AFF3: variants seen among roughly 807,000 people sequenced by gnomAD.
AFF3 encodes the protein ALF transcription elongation factor 3.
In AFF3, 32 loss-of-function variants were observed where a neutral mutation model predicts 129.7. That is an observed-to-expected ratio of 0.25 (90% CI 0.19 to 0.33). The LOEUF (loss-of-function observed/expected upper bound fraction) is 0.33, where lower values mean the gene tolerates loss of function less well. Among genes scored for constraint, AFF3 ranks in the 10% least tolerant of loss-of-function variants. The pLI is 1.00. For synonymous variants in AFF3, 644 were observed against 635.4 expected (o/e 1.01, Z -0.20); for missense variants, 1,373 against 1,592.0 (o/e 0.86, Z 2.34).
intron 7 of AFF3, among the ~76,000 whole-genome samples, chr2:99,974,391 C>G (rs147663067): frequency 1.3e-5 from 2 of 152,298 alleles, no homozygotes; most frequent in African/African-American, 4.8e-5. Flanking sequence ...TAAGTGTACT[C>G]AAGCACAAAA....
chr2:99,810,589 T>C (rs543920053), intron 8 of AFF3, among the ~76,000 whole-genome samples: 1 of 152,232 alleles, frequency 6.6e-6, no homozygotes, highest in Non-Finnish European at 1.5e-5. Flanking sequence ...TTTAGGGCCT[T>C]TTAAAGTAGT....
intron 13 of AFF3, among the ~76,000 whole-genome samples, chr2:99,633,447 G>A (rs115762233): frequency 0.017 from 2,628 of 152,282 alleles, 45 homozygotes; most frequent in South Asian, 0.029. Context: ...AAGCTGGAGG[G>A]GAGGAAAGAA....
At chr2:99,686,531 C>T (rs561374254) in intron 11 of AFF3, among the ~76,000 whole-genome samples, 17 of 152,286 alleles carry the variant, frequency 1.1e-4, no homozygotes, top group African/African-American at 4.1e-4. Flanking sequence ...TAGTTGTGAG[C>T]CAGCCATATT....
At chr2:99,768,709 T>C (rs1683217407) in intron 8 of AFF3, among the ~76,000 whole-genome samples, 1 of 152,236 alleles carries the variant, frequency 6.6e-6, no homozygotes, top group Admixed American at 6.5e-5. Context: ...CAGCTTTTGT[T>C]TGTCTTAGAA....
In AFF3 at chr2:99,837,544, A is replaced by C; in HGVS notation, c.874-20T>G. 1 of 1,610,756 alleles carries C rather than the reference A, an allele frequency of 6.2e-7. No individual in the cohort carries two copies. The highest frequency in any genetic ancestry group is 1.3e-5 in the African/African-American group (1 of 74,952). On this transcript the variant is annotated intron_variant, in intron 7 of 24. Transcript: ENST00000672756. Reference sequence around the variant, plus strand: ...ACTCTCCTGAAAGCAAAGAAAAAAAAATTAAGCCTGATGGAATAGATTGAT... The same window carrying C: ...ACTCTCCTGAAAGCAAAGAAAAAAACATTAAGCCTGATGGAATAGATTGAT...
intron 7 of AFF3, among the ~76,000 whole-genome samples, chr2:99,892,836 C>T (rs1184654635): frequency 6.6e-6 from 1 of 152,168 alleles, no homozygotes; most frequent in African/African-American, 2.4e-5. Flanking sequence ...ACATCCTGAG[C>T]ACCAGAGGGA....
At chr2:100,030,259 T>A (rs1684385882) in intron 4 of AFF3, among the ~76,000 whole-genome samples, 1 of 152,106 alleles carries the variant, frequency 6.6e-6, no homozygotes. Context: ...AGTAGCAAAA[T>A]GACAGTATTC....
chr2:100,031,129 T>C (rs1314699545), intron 4 of AFF3, among the ~76,000 whole-genome samples: 1 of 151,788 alleles, frequency 6.6e-6, no homozygotes, highest in Non-Finnish European at 1.5e-5. Flanking sequence ...GTGGAGTCTG[T>C]AAAAAAAAGA....
intron 11 of AFF3, among the ~76,000 whole-genome samples, chr2:99,697,952 T>A (rs996316809): frequency 2.6e-5 from 4 of 152,234 alleles, no homozygotes; most frequent in African/African-American, 9.6e-5. Context: ...ACCTGCATCA[T>A]AAGGTCTCAT....
At chr2:99,676,193 G>C (rs891005366) in intron 11 of AFF3, among the ~76,000 whole-genome samples, 1 of 152,010 alleles carries the variant, frequency 6.6e-6, no homozygotes, top group East Asian at 1.9e-4. Flanking sequence ...CCCCTTTCAC[G>C]TTCCCTTAGC....
chr2:99,745,945 A>G (rs979867114), intron 9 of AFF3, among the ~76,000 whole-genome samples: 4 of 152,160 alleles, frequency 2.6e-5, no homozygotes, highest in African/African-American at 9.7e-5. Context: ...ACATAGAGTG[A>G]TATGATGAAC....
chr2:99,656,126 ACT>A (rs754918382), intron 12 of AFF3, among the ~76,000 whole-genome samples: 5 of 152,116 alleles, frequency 3.3e-5, no homozygotes, highest in Non-Finnish European at 7.4e-5. Flanking sequence ...TTCAGTGGAG[ACT>A]CTGAGTAGCT....
chr2:99,727,045 G>A lies in AFF3; in HGVS notation c.1091+32C>T, dbSNP rs370075626. On this transcript the variant is annotated intron_variant, in intron 11 of 24. Coordinates refer to ENST00000672756, the MANE Select transcript of AFF3 (RefSeq NM_001386135.1). ...ATTTTATGAGGCATATTTAAGAACA[G>A]GCATCTCTGATAGAAAATGAAAGAA... 2.6e-6 allele frequency: 4 copies of A among 1,567,658 alleles called. No individual in the cohort carries two copies. In the African/African-American group the frequency reaches 5.5e-5, roughly 21 times the overall value.
chr2:99,823,336 G>A (rs1211634687), intron 8 of AFF3, among the ~76,000 whole-genome samples: 1 of 142,204 alleles, frequency 7.0e-6, no homozygotes, highest in Non-Finnish European at 1.5e-5. Context: ...AATACCATTA[G>A]GTCACAAGTT....
intron 12 of AFF3, among the ~76,000 whole-genome samples, chr2:99,662,539 TA>T (rs1346181284): frequency 3.9e-5 from 6 of 152,328 alleles, no homozygotes; most frequent in Middle Eastern, 6.8e-3. Context: ...GTGGTTAAGT[TA>T]TCATAACGAA....
intron 13 of AFF3, among the ~76,000 whole-genome samples, chr2:99,647,024 A>G (rs1211104338): frequency 6.6e-6 from 1 of 152,214 alleles, no homozygotes; most frequent in Non-Finnish European, 1.5e-5. Context: ...GCCTGTGGAG[A>G]AAAACGAATG....
intron 8 of AFF3, among the ~76,000 whole-genome samples, chr2:99,764,097 G>A (rs1220690813): frequency 5.9e-5 from 9 of 152,176 alleles, no homozygotes; most frequent in Non-Finnish European, 1.2e-4. Flanking sequence ...ATTCAAACTG[G>A]AAACACTGAG....
At chr2:100,096,257 G>A (rs1349986030) in intron 4 of AFF3, among the ~76,000 whole-genome samples, 5 of 151,908 alleles carry the variant, frequency 3.3e-5, no homozygotes, top group East Asian at 1.9e-4. Context: ...AGAAGGTCCC[G>A]GGCTTTGAAG....
intron 7 of AFF3, among the ~76,000 whole-genome samples, chr2:99,856,693 G>C (rs1690557561): frequency 6.6e-6 from 1 of 152,050 alleles, no homozygotes; most frequent in Admixed American, 6.5e-5. Flanking sequence ...AAAACCTTCT[G>C]GCGCCTAATC....
Sources: allele counts gnomAD v4.1 joint callset (sites outside exome capture counted in the v4.1 genomes callset), GRCh38; gene constraint gnomAD v4.1.1; transcripts MANE v1.5; gene names NCBI Gene and HGNC (gene_info 2026-07-23, HGNC 2026-07-21).